The following CLYBL variants were observed in gnomAD, a reference collection of about 807,000 sequenced individuals.
The protein encoded by CLYBL is citramalyl-CoA lyase, mitochondrial.
A neutral mutation model predicts 38.9 loss-of-function variants in CLYBL; 31 were observed. The ratio of observed to expected loss-of-function variants is 0.80; its 90% CI spans 0.60 to 1.08. The LOEUF (loss-of-function observed/expected upper bound fraction) is 1.08, where lower values mean the gene tolerates loss of function less well. Ranked by LOEUF, CLYBL falls within the 50% of genes least tolerant of loss-of-function variation. The pLI is 0.00. For missense variants in CLYBL, 434 were observed against 411.6 expected, an observed-to-expected ratio of 1.05 and a Z score of -0.47; for synonymous variants, 171 against 158.6, an observed-to-expected ratio of 1.08 and a Z score of -0.59.
At chr13:99,859,789 T>C (rs975249548) in intron 3 of CLYBL, among the ~76,000 whole-genome samples, 5 of 152,226 alleles carry the variant, frequency 3.3e-5, no homozygotes, top group Non-Finnish European at 7.3e-5. Context: ...TAGATTTTAT[T>C]TGAGGGTCGC....
chr13:99,775,521 A>T (rs921138746), intron 2 of CLYBL, among the ~76,000 whole-genome samples: 8 of 152,070 alleles, frequency 5.3e-5, no homozygotes, highest in Admixed American at 3.3e-4. Flanking sequence ...AAATTTCATT[A>T]AAAAAATTTT....
At chr13:99,641,659 A>G (rs2139269556) in intron 1 of CLYBL, among the ~76,000 whole-genome samples, 1 of 151,948 alleles carries the variant, frequency 6.6e-6, no homozygotes, top group South Asian at 2.1e-4. Context: ...AAAAAAAAAA[A>G]AAATTAGCCA....
chr13:99,748,942 G>A (rs775048712), intron 1 of CLYBL, among the ~76,000 whole-genome samples: 1 of 152,118 alleles, frequency 6.6e-6, no homozygotes, highest in Non-Finnish European at 1.5e-5. Flanking sequence ...ACTTTGGGAG[G>A]CCAAGGTGTG....
chr13:99,733,836 C>G (rs542546191), intron 1 of CLYBL, among the ~76,000 whole-genome samples: 1 of 152,352 alleles, frequency 6.6e-6, no homozygotes, highest in East Asian at 1.9e-4. Flanking sequence ...ATCTCCCTGT[C>G]TGTTTTTTGG....
chr13:99,824,261 C>CCCG (rs1555313220), intron 2 of CLYBL, among the ~76,000 whole-genome samples: 1 of 115,372 alleles, frequency 8.7e-6, no homozygotes, highest in Admixed American at 9.8e-5. Context: ...CTAATAGCCC[C>CCCG]CCCCACCCAC....
At chr13:99,742,992 C>T (rs889319988) in intron 1 of CLYBL, among the ~76,000 whole-genome samples, 4 of 151,972 alleles carry the variant, frequency 2.6e-5, no homozygotes, top group African/African-American at 9.7e-5. Context: ...TTACAATTTG[C>T]ACTAGAAGAG....
chr13:99,859,165 A>G, intron 3 of CLYBL, 116 bp downstream of exon 3: 3 of 704,056 alleles, frequency 4.3e-6, no homozygotes, highest in Non-Finnish European at 6.7e-6. Context: ...AGAGGAAGGG[A>G]ATTGAGAAAA....
chr13:99,616,185 G>A (rs1296102277), intron 1 of CLYBL, among the ~76,000 whole-genome samples: 1 of 111,116 alleles, frequency 9.0e-6, no homozygotes, highest in Admixed American at 1.2e-4. Context: ...GTGAAGCTAT[G>A]TTGCCCAGAC....
At chr13:99,862,765 G>C (rs766391332) in intron 3 of CLYBL, among the ~76,000 whole-genome samples, 1 of 152,076 alleles carries the variant, frequency 6.6e-6, no homozygotes, top group African/African-American at 2.4e-5. Context: ...TCCTTTGGGA[G>C]AAAAAAATTG....
intron 1 of CLYBL, among the ~76,000 whole-genome samples, chr13:99,615,887 G>C (rs2046700986): frequency 6.6e-6 from 1 of 152,204 alleles, no homozygotes; most frequent in South Asian, 2.1e-4. Context: ...AGGCTGGAGT[G>C]CAGTGGCACA....
Position 99,866,345 on chromosome 13 carries a change from A to T in CLYBL, c.740A>T (p.Asp247Val). ...CAAGCCATAGATCTGGTGTACATTG[A>T]CTTTCGAGATGGAGCTGGGCTGCTT... is the stretch of plus-strand genomic sequence containing the variant. ...GLQAIDLVYI[D>V]FRDGAGLLRQ... Residue 247 changes from aspartate (D) to valine (V), a missense_variant, in exon 6 of 9, where the codon GAC (aspartate) becomes GTC (valine). Physicochemically the swap from Asp to Val is radical, Grantham distance 152 (BLOSUM62 -3). Transcript: ENST00000339105. 1.9e-6 allele frequency: 3 copies of T among 1,614,106 alleles called. No homozygotes were observed. Among genetic ancestry groups the T allele is most frequent in the Non-Finnish European group, 2.5e-6 (3 of 1,180,024 alleles).
At chr13:99,794,016 A>C (rs2138904713) in intron 2 of CLYBL, among the ~76,000 whole-genome samples, 1 of 152,366 alleles carries the variant, frequency 6.6e-6, no homozygotes. Flanking sequence ...CATTAAAGTT[A>C]CTTATTCCAA....
chr13:99,639,486 C>T (rs955241081), intron 1 of CLYBL, among the ~76,000 whole-genome samples: 21 of 152,078 alleles, frequency 1.4e-4, no homozygotes, highest in African/African-American at 4.1e-4. Context: ...AGGAGTGCTC[C>T]GATGGTTTAG....
chr13:99,784,559 A>G (rs945147427), intron 2 of CLYBL, among the ~76,000 whole-genome samples: 3 of 148,486 alleles, frequency 2.0e-5, no homozygotes, highest in Non-Finnish European at 4.4e-5. Flanking sequence ...GGTTCAAGCA[A>G]TTCTCGTGCC....
chr13:99,654,313 G>A (rs149296567), intron 1 of CLYBL, among the ~76,000 whole-genome samples: 30 of 152,310 alleles, frequency 2.0e-4, no homozygotes, highest in African/African-American at 7.2e-4. Context: ...GGGTAGCTGA[G>A]GCTGGGCTGG....
chr13:99,795,003 TA>T (rs2049993547), intron 2 of CLYBL, among the ~76,000 whole-genome samples: 1 of 152,202 alleles, frequency 6.6e-6, no homozygotes, highest in Non-Finnish European at 1.5e-5. Context: ...CATGTATTTT[TA>T]AATATATCAA....
chr13:99,650,126 G>A (rs1466073211), intron 1 of CLYBL, among the ~76,000 whole-genome samples: 1 of 152,012 alleles, frequency 6.6e-6, no homozygotes, highest in East Asian at 1.9e-4. Flanking sequence ...AGCTGGGCGT[G>A]GTGGCGGGCG....
intron 1 of CLYBL, among the ~76,000 whole-genome samples, chr13:99,622,082 T>C (rs2139206186): frequency 6.6e-6 from 1 of 152,326 alleles, no homozygotes; most frequent in South Asian, 2.1e-4. Context: ...CCAGACCCAG[T>C]GGGCTGAATT....
At chr13:99,872,624 C>G (rs2051935334) in intron 7 of CLYBL, among the ~76,000 whole-genome samples, 1 of 152,124 alleles carries the variant, frequency 6.6e-6, no homozygotes, top group Admixed American at 6.5e-5. Context: ...GCATGTGGAC[C>G]ATTGAAACGA....
Sources: allele counts gnomAD v4.1 joint callset (sites outside exome capture counted in the v4.1 genomes callset), GRCh38; gene constraint gnomAD v4.1.1; transcripts MANE v1.5; gene names NCBI Gene and HGNC (gene_info 2026-07-23, HGNC 2026-07-21).